Variants in PHF14 observed in about 807,000 individuals in gnomAD.
The protein encoded by PHF14 is PHD finger protein 14.
Under a neutral mutation model 117.9 loss-of-function variants are expected in PHF14, and 55 were observed. The observed-to-expected ratio is 0.47, with a 90% CI of 0.38 to 0.58. The LOEUF (loss-of-function observed/expected upper bound fraction) is 0.58, where lower values mean the gene tolerates loss of function less well. PHF14 is among the 20% of genes least tolerant of loss of function. The pLI, the probability that PHF14 is intolerant of heterozygous loss-of-function variation, is 0.00. For synonymous variants in PHF14, 409 were observed against 368.6 expected (o/e 1.11, Z -1.26); for missense variants, 978 against 1,122.2 (o/e 0.87, Z 1.84).
chr7:10,997,768 A>G (rs1184906578), intron 4 of PHF14, among the ~76,000 whole-genome samples: 1 of 152,210 alleles, frequency 6.6e-6, no homozygotes, highest in Non-Finnish European at 1.5e-5. Flanking sequence ...GAATGTCTTC[A>G]TGAAGGGCAG....
intron 16 of PHF14, among the ~76,000 whole-genome samples, chr7:11,086,957 T>C (rs1344785054): frequency 6.6e-6 from 1 of 152,150 alleles, no homozygotes; most frequent in African/African-American, 2.4e-5. Flanking sequence ...TCTAAAAATA[T>C]GTATGTACTA....
rs576229145 is a variant in PHF14, at chr7:11,118,468, C to T, written c.2772+7001C>T. Among the ~76,000 whole-genome samples the T allele has an allele frequency of 1.1e-4, 16 of 151,710 alleles. No homozygotes were observed. In the South Asian group the frequency reaches 1.2e-3, roughly 12 times the overall value. On this transcript the variant is annotated intron_variant, in intron 17 of 17. Transcript: ENST00000634607. Reference sequence around the variant, plus strand: ...TCTAATTGAGTGCTGTACTTTGGGACTATTAATAATTATTTGCTTAACAAT... The same window carrying T: ...TCTAATTGAGTGCTGTACTTTGGGATTATTAATAATTATTTGCTTAACAAT...
intron 17 of PHF14, among the ~76,000 whole-genome samples, chr7:11,133,053 A>G (rs1788129109): frequency 6.6e-6 from 1 of 151,964 alleles, no homozygotes; most frequent in African/African-American, 2.4e-5. Context: ...TAAAAGAAAT[A>G]AAGAACTAAA....
At chr7:10,979,616 T>A (rs1781987154) in intron 2 of PHF14, among the ~76,000 whole-genome samples, 1 of 151,718 alleles carries the variant, frequency 6.6e-6, no homozygotes, top group Admixed American at 6.6e-5. Context: ...AATTTTGTCT[T>A]TGCAGCCTAT....
chr7:11,007,956 G>C (rs575683748), intron 4 of PHF14, among the ~76,000 whole-genome samples: 75 of 152,116 alleles, frequency 4.9e-4, no homozygotes, highest in African/African-American at 1.8e-3. Context: ...GAAATTTGAG[G>C]GCTGCAGTGT....
intron 16 of PHF14, among the ~76,000 whole-genome samples, chr7:11,089,861 C>G (rs1055048704): frequency 4.6e-5 from 7 of 150,666 alleles, no homozygotes; most frequent in Non-Finnish European, 8.8e-5. Context: ...AACTCCACCT[C>G]CTGGCTTCAA....
At chr7:11,112,195 A>T (rs1787468711) in intron 17 of PHF14, among the ~76,000 whole-genome samples, 1 of 152,174 alleles carries the variant, frequency 6.6e-6, no homozygotes, top group Admixed American at 6.5e-5. Context: ...TCAACTGTAG[A>T]TTAATCCGAT....
chr7:11,076,567 CTTTT>C (rs71023886), intron 16 of PHF14, among the ~76,000 whole-genome samples: 1 of 124,750 alleles, frequency 8.0e-6, no homozygotes, highest in African/African-American at 2.9e-5. Flanking sequence ...TTTTCTTTTT[CTTTT>C]TTTTTTTTTT....
At chr7:11,019,485 A>G (rs1374262194) in intron 5 of PHF14, among the ~76,000 whole-genome samples, 2 of 152,170 alleles carry the variant, frequency 1.3e-5, no homozygotes, top group African/African-American at 4.8e-5. Flanking sequence ...GTATGTGTCT[A>G]GGAGTTCATC....
chr7:11,030,710 G>C (rs1784093080), intron 7 of PHF14, among the ~76,000 whole-genome samples: 1 of 152,092 alleles, frequency 6.6e-6, no homozygotes, highest in African/African-American at 2.4e-5. Context: ...TTGCCTTGCT[G>C]TGTCCCTTGA....
In PHF14 at chr7:11,150,587, T is replaced by C. The variant is rs113922926; in HGVS notation, c.2773-18829T>C. On this transcript the variant is annotated intron_variant, in intron 17 of 17. Coordinates refer to ENST00000634607, the MANE Select transcript of PHF14 (RefSeq NM_001007157.2). ...ATTCTTTCATTTGCATCATTAAATT[T>C]TTAAGTAAAGCTTACTTTAAATAAT... 1.9e-3 allele frequency among the ~76,000 whole-genome samples: 283 copies of C among 152,310 alleles called. 2 individuals are homozygous for C. Among genetic ancestry groups the C allele is most frequent in the African/African-American group, 6.3e-3 (263 of 41,586 alleles).
At chr7:11,081,030 C>T (rs1786078572) in intron 16 of PHF14, among the ~76,000 whole-genome samples, 1 of 151,984 alleles carries the variant, frequency 6.6e-6, no homozygotes, top group Admixed American at 6.6e-5. Flanking sequence ...ATTTATACCA[C>T]AAAAGCTATT....
intron 16 of PHF14, among the ~76,000 whole-genome samples, chr7:11,073,073 A>G (rs1348134193): frequency 6.6e-6 from 1 of 152,082 alleles, no homozygotes; most frequent in Non-Finnish European, 1.5e-5. Flanking sequence ...CATCCAAACT[A>G]TATACTTTCA....
intron 7 of PHF14, among the ~76,000 whole-genome samples, chr7:11,034,802 G>T (rs1784258776): frequency 6.6e-6 from 1 of 151,766 alleles, no homozygotes. Flanking sequence ...GCTTGCCTCG[G>T]TCTCCCAAAG....
chr7:10,978,996 A>T (rs1469511872), intron 2 of PHF14, among the ~76,000 whole-genome samples: 2 of 152,196 alleles, frequency 1.3e-5, no homozygotes, highest in East Asian at 3.9e-4. Flanking sequence ...TTGATCTGTT[A>T]TCTATTGTGT....
At chr7:11,105,443 G>T (rs1008049272) in intron 16 of PHF14, 1 of 965,896 alleles carries the variant, frequency 1.0e-6, no homozygotes, top group Non-Finnish European at 1.2e-6. Context: ...CTCAATATGA[G>T]AATATTTCAT....
chr7:11,022,971 G>T lies in PHF14; in HGVS notation c.1309G>T (p.Gly437Cys). The T allele has an allele frequency of 6.4e-7, 1 of 1,574,296 alleles. No individual in the cohort carries two copies. The highest frequency in any genetic ancestry group is 8.7e-7 in the Non-Finnish European group (1 of 1,149,128). ...TLTEMNYSKYGAKECSFCEDP... is the reference protein window; with the variant it reads ...TLTEMNYSKYCAKECSFCEDP... ...AACGGAAATGAACTATTCCAAATAT[G>T]GTGCCAAGGTGAGACACAAAGCATT... Residue 437 changes from glycine to cysteine, a missense_variant, in exon 6 of 18, where the codon GGT (glycine) becomes TGT (cysteine). Around this residue, in one of 7 missense-constraint regions of PHF14, gnomAD observed 86 missense variants for 137.8 expected, o/e 0.62. Coordinates refer to ENST00000634607, the MANE Select transcript of PHF14 (RefSeq NM_001007157.2).
intron 17 of PHF14, among the ~76,000 whole-genome samples, chr7:11,128,419 A>G (rs530034196): frequency 6.6e-6 from 1 of 152,148 alleles, no homozygotes; most frequent in East Asian, 1.9e-4. Flanking sequence ...CTCAGAAAAT[A>G]AAAGTGCCAC....
At chr7:11,152,368 A>G (rs1788726386) in intron 17 of PHF14, among the ~76,000 whole-genome samples, 1 of 152,156 alleles carries the variant, frequency 6.6e-6, no homozygotes, top group African/African-American at 2.4e-5. Context: ...CCAATCTTCA[A>G]TTTCCTCATT....
Sources: allele counts gnomAD v4.1 joint callset (sites outside exome capture counted in the v4.1 genomes callset), GRCh38; gene constraint gnomAD v4.1.1; regional missense constraint gnomAD v4.1.1; transcripts MANE v1.5; gene names NCBI Gene and HGNC (gene_info 2026-07-23, HGNC 2026-07-21).